The following SLC4A10 variants were observed in gnomAD, a reference collection of about 807,000 sequenced individuals.
SLC4A10 encodes sodium-driven chloride bicarbonate exchanger.
In SLC4A10, 42 loss-of-function variants were observed where a neutral mutation model predicts 137.7. That is an observed-to-expected ratio of 0.30 (90% CI 0.24 to 0.39). The LOEUF is 0.39. SLC4A10 is among the 10% of genes least tolerant of loss of function. The pLI, the probability that SLC4A10 is intolerant of heterozygous loss-of-function variation, is 1.00. For synonymous variants in SLC4A10, 474 were observed against 464.1 expected (o/e 1.02, Z -0.27); for missense variants, 925 against 1,355.0 (o/e 0.68, Z 4.98).
intron 15 of SLC4A10, among the ~76,000 whole-genome samples, chr2:161,929,215 T>G (rs1689857841): frequency 6.6e-6 from 1 of 152,216 alleles, no homozygotes; most frequent in Non-Finnish European, 1.5e-5. Flanking sequence ...AGAAAGAGAC[T>G]CTTGCTTCTA....
At chr2:161,686,860 T>A (rs1385676775) in intron 1 of SLC4A10, among the ~76,000 whole-genome samples, 1 of 151,634 alleles carries the variant, frequency 6.6e-6, no homozygotes, top group African/African-American at 2.4e-5. Context: ...ATTTTTTTGG[T>A]TATTTCTTTT....
chr2:161,906,866 AAC>A (rs1254049271), intron 15 of SLC4A10, among the ~76,000 whole-genome samples: 1 of 152,046 alleles, frequency 6.6e-6, no homozygotes, highest in Admixed American at 6.5e-5. Flanking sequence ...CATCCTGGCT[AAC>A]ACAGTGAAAC....
intron 1 of SLC4A10, among the ~76,000 whole-genome samples, chr2:161,625,574 G>C (rs909258117): frequency 6.6e-6 from 1 of 152,070 alleles, no homozygotes; most frequent in Non-Finnish European, 1.5e-5. Context: ...CCCACCTTGC[G>C]CGGAAGGGAC....
chr2:161,663,337 C>T (rs186453628), intron 1 of SLC4A10, among the ~76,000 whole-genome samples: 6 of 152,230 alleles, frequency 3.9e-5, no homozygotes, highest in African/African-American at 1.2e-4. Flanking sequence ...TTTGTATTTA[C>T]ACTCTTTCAT....
At chr2:161,980,803 A>T (rs1006653315) in intron 26 of SLC4A10, among the ~76,000 whole-genome samples, 2 of 152,224 alleles carry the variant, frequency 1.3e-5, no homozygotes, top group African/African-American at 4.8e-5. Context: ...ACTCTTATCT[A>T]TCTTGTACTC....
At chr2:161,654,391 A>G (rs2037226740) in intron 1 of SLC4A10, among the ~76,000 whole-genome samples, 3 of 151,908 alleles carry the variant, frequency 2.0e-5, no homozygotes, top group Admixed American at 2.0e-4. Flanking sequence ...TGTTTGTTGT[A>G]GTTGCATTTG....
At chr2:161,756,967 GA>G (rs1159998410) in intron 1 of SLC4A10, among the ~76,000 whole-genome samples, 1 of 152,004 alleles carries the variant, frequency 6.6e-6, no homozygotes, top group Non-Finnish European at 1.5e-5. Context: ...GCATGTAAAC[GA>G]GAAAAAAATC....
Position 161,627,131 on chromosome 2 carries a change from A to ATATAAT in SLC4A10, c.48+2565_48+2566insTATAAT, listed in dbSNP as rs1284854969. Among the ~76,000 whole-genome samples, 18 of 152,282 alleles carry ATATAAT rather than the reference A, an allele frequency of 1.2e-4. No homozygotes were observed. In the East Asian group the frequency reaches 3.3e-3, roughly 28 times the overall value. On this transcript the variant is annotated intron_variant, in intron 1 of 26. Transcript: ENST00000446997. ...AGTTCCTGACATTTAGTAAGTGTTC[A>ATATAAT]ATAAAACTTGCTATTATCATTGTCA...
At chr2:161,700,216 C>T (rs1173912524) in intron 1 of SLC4A10, among the ~76,000 whole-genome samples, 1 of 152,154 alleles carries the variant, frequency 6.6e-6, no homozygotes, top group Non-Finnish European at 1.5e-5. Flanking sequence ...TCATCAAACA[C>T]TAGCTTAGGA....
At chr2:161,729,840 T>C (rs1246505771) in intron 1 of SLC4A10, among the ~76,000 whole-genome samples, 1 of 152,204 alleles carries the variant, frequency 6.6e-6, no homozygotes, top group Admixed American at 6.5e-5. Flanking sequence ...GTCTTTTCCA[T>C]AGGATGAGAA....
At chr2:161,812,433 A>G (rs2056645636) in intron 3 of SLC4A10, among the ~76,000 whole-genome samples, 1 of 151,844 alleles carries the variant, frequency 6.6e-6, no homozygotes, top group Non-Finnish European at 1.5e-5. Flanking sequence ...ATGTTGTATG[A>G]TGCTGAGGTT....
chr2:161,822,965 AC>A (rs2057746338), intron 3 of SLC4A10, among the ~76,000 whole-genome samples: 1 of 152,118 alleles, frequency 6.6e-6, no homozygotes, highest in South Asian at 2.1e-4. Flanking sequence ...GCAGAAAGAA[AC>A]TGTCTCAAAA....
intron 4 of SLC4A10, among the ~76,000 whole-genome samples, chr2:161,844,271 T>C (rs903211049): frequency 4.6e-5 from 7 of 152,156 alleles, no homozygotes; most frequent in Non-Finnish European, 8.8e-5. Context: ...GTGAAGGCAT[T>C]TGATCTTCAA....
At chr2:161,927,204 C>T (rs962834109) in intron 15 of SLC4A10, among the ~76,000 whole-genome samples, 116 of 152,288 alleles carry the variant, frequency 7.6e-4, no homozygotes, top group African/African-American at 1.5e-3. Flanking sequence ...ACCAATCGGA[C>T]GTAGATTTGT....
At chr2:161,663,920 A>AT (rs2038745070) in intron 1 of SLC4A10, among the ~76,000 whole-genome samples, 2 of 152,026 alleles carry the variant, frequency 1.3e-5, no homozygotes, top group South Asian at 2.1e-4. Context: ...AACTGCATAC[A>AT]TTTTTTGTTA....
intron 15 of SLC4A10, among the ~76,000 whole-genome samples, chr2:161,921,328 A>G (rs1232524788): frequency 6.6e-6 from 1 of 152,200 alleles, no homozygotes; most frequent in African/African-American, 2.4e-5. Flanking sequence ...CAATTGGCAG[A>G]GAGCCTTAAA....
At chr2:161,662,201 G>T (rs1445218799) in intron 1 of SLC4A10, among the ~76,000 whole-genome samples, 1 of 151,994 alleles carries the variant, frequency 6.6e-6, no homozygotes, top group Non-Finnish European at 1.5e-5. Context: ...TTGTTTTACA[G>T]CTTATTTTTT....
chr2:161,963,103 A>G (rs75748626), intron 21 of SLC4A10, among the ~76,000 whole-genome samples: 2,004 of 152,276 alleles, frequency 0.013, 40 homozygotes, highest in East Asian at 0.099. Context: ...GCCGAAGAAC[A>G]ATAAACCAAA....
chr2:161,715,953 A>G (rs1200793559), intron 1 of SLC4A10, among the ~76,000 whole-genome samples: 2 of 152,088 alleles, frequency 1.3e-5, no homozygotes, highest in Non-Finnish European at 2.9e-5. Flanking sequence ...CCCACCAAAA[A>G]TGTAAAAGTG....
Sources: gnomAD v4.1 joint callset for allele counts (sites outside exome capture counted in the v4.1 genomes callset) on GRCh38, gnomAD v4.1.1 for gene constraint, MANE v1.5 for transcripts, NCBI Gene and HGNC (gene_info 2026-07-23, HGNC 2026-07-21) for gene names.